EPB41L5: variants seen among roughly 807,000 people sequenced by gnomAD.
EPB41L5 encodes band 4.1-like protein 5.
In EPB41L5, 55 loss-of-function variants were observed where a neutral mutation model predicts 106.6. The observed-to-expected ratio is 0.52, with a 90% CI of 0.42 to 0.65. EPB41L5 has a LOEUF of 0.65. Among genes scored for constraint, EPB41L5 ranks in the 30% least tolerant of loss-of-function variants. The pLI, the probability that EPB41L5 is intolerant of heterozygous loss-of-function variation, is 0.00. For missense variants in EPB41L5, 871 were observed against 882.1 expected (o/e 0.99, Z 0.16); for synonymous variants, 297 against 306.7 (o/e 0.97, Z 0.33).
At chr2:120,087,777 T>C (rs936679982) in intron 11 of EPB41L5, among the ~76,000 whole-genome samples, 2 of 152,110 alleles carry the variant, frequency 1.3e-5, no homozygotes, top group South Asian at 2.1e-4. Flanking sequence ...GAGTAAACCA[T>C]TGTGGCAGAC....
At chr2:120,079,183 T>A (rs1182166503) in intron 10 of EPB41L5, among the ~76,000 whole-genome samples, 4 of 152,134 alleles carry the variant, frequency 2.6e-5, no homozygotes, top group Non-Finnish European at 5.9e-5. Flanking sequence ...GGTGTTTACT[T>A]TTGTACACTA....
intron 2 of EPB41L5, among the ~76,000 whole-genome samples, chr2:120,036,807 C>T (rs1679068256): frequency 6.6e-6 from 1 of 151,936 alleles, no homozygotes; most frequent in Non-Finnish European, 1.5e-5. Flanking sequence ...GTTGGAAGAT[C>T]ATATTTAGAA....
chr2:120,043,122 A>AT (rs1299827149), intron 3 of EPB41L5, among the ~76,000 whole-genome samples: 3 of 150,176 alleles, frequency 2.0e-5, no homozygotes, highest in African/African-American at 4.9e-5. Context: ...TTTAGCTGTC[A>AT]TTTTTTCATG....
intron 19 of EPB41L5, 51 bp from the exon 20 acceptor site, chr2:120,146,173 AC>A: frequency 9.1e-7 from 1 of 1,096,198 alleles, no homozygotes; most frequent in East Asian, 2.6e-5. Context: ...ATTTCTTGTT[AC>A]TTTAGTATCC....
In EPB41L5 at chr2:120,143,110, T is replaced by A. The variant is rs61730480; in HGVS notation, c.1707T>A (p.Ala569=). 1.2e-6 allele frequency: 2 copies of A among 1,605,250 alleles called. No individual in the cohort carries two copies. The highest frequency in any genetic ancestry group is 1.7e-6 in the Non-Finnish European group (2 of 1,176,804). The part of the protein sequence containing the change: ...PPDFKSNILK[A]QVEAVHKVTK... ...ACTTCAAGAGTAACATTTTGAAGGC[T>A]CAAGTAGAAGCAGTGCATAAGGTAA... Residue 569 remains alanine (A), a synonymous_variant, in exon 19 of 25, where the codon GCT becomes GCA. Coordinates refer to ENST00000263713, the MANE Select transcript of EPB41L5 (RefSeq NM_020909.4).
intron 20 of EPB41L5, among the ~76,000 whole-genome samples, chr2:120,154,751 C>T (rs1686830334): frequency 6.6e-6 from 1 of 151,874 alleles, no homozygotes; most frequent in Admixed American, 6.6e-5. Flanking sequence ...ATGGTGAAAC[C>T]CCGTCTCTGC....
At chr2:120,111,117 C>G (rs1558883964) in intron 16 of EPB41L5, among the ~76,000 whole-genome samples, 2 of 152,074 alleles carry the variant, frequency 1.3e-5, no homozygotes, top group Non-Finnish European at 2.9e-5. Context: ...GACCCGAGAT[C>G]CCATGTTACA....
chr2:120,026,920 A>C (rs1281522334), intron 2 of EPB41L5, among the ~76,000 whole-genome samples: 1 of 152,242 alleles, frequency 6.6e-6, no homozygotes, highest in Admixed American at 6.5e-5. Context: ...CATTTCTCCA[A>C]ATAGGTTATA....
At chr2:120,153,900 G>GTGTTAT (rs1686786165) in intron 20 of EPB41L5, among the ~76,000 whole-genome samples, 4 of 152,232 alleles carry the variant, frequency 2.6e-5, no homozygotes, top group South Asian at 2.1e-4. Context: ...TCATAGTGAG[G>GTGTTAT]CTTGTAGATA....
intron 3 of EPB41L5, among the ~76,000 whole-genome samples, chr2:120,071,195 C>T (rs1343567581): frequency 1.3e-5 from 2 of 152,094 alleles, no homozygotes; most frequent in Non-Finnish European, 2.9e-5. Flanking sequence ...ACACCAATAA[C>T]AGAGAGCCAA....
chr2:120,153,057 GTTCT>G (rs1686747146), intron 20 of EPB41L5, among the ~76,000 whole-genome samples: 2 of 152,000 alleles, frequency 1.3e-5, no homozygotes, highest in Admixed American at 6.5e-5. Context: ...TTTTTCTTAA[GTTCT>G]TTGTTTTTCT....
At chr2:120,117,730 A>G (rs1685015528) in intron 16 of EPB41L5, among the ~76,000 whole-genome samples, 1 of 152,198 alleles carries the variant, frequency 6.6e-6, no homozygotes, top group East Asian at 1.9e-4. Flanking sequence ...CAACACCATA[A>G]TCAAGATTCA....
chr2:120,097,870 A>G lies in EPB41L5; in HGVS notation c.1179-2374A>G, dbSNP rs150083310. ...GTATTTCATACAATTTAAAACAGGA[A>G]GCTATGGTTCAATTAACATCACTTA... On this transcript the variant is annotated intron_variant, in intron 14 of 24. Transcript: ENST00000263713. 1.9e-3 allele frequency among the ~76,000 whole-genome samples: 297 copies of G among 152,338 alleles called. 2 individuals are homozygous for G. The highest frequency in any genetic ancestry group is 6.4e-3 in the African/African-American group (267 of 41,584).
Position 120,167,958 on chromosome 2 carries a change from A to ATCTC in EPB41L5, c.2087_2090dup (p.Ile699ThrfsTer35). On this transcript the variant is annotated frameshift_variant, in exon 24 of 25. Transcript: ENST00000263713. LOFTEE classifies it high-confidence loss of function. ...GGAGGGACATGGTAATAAAGATGGA[A>ATCTC]TCTCACTGATCTCTCCCCCAGCGCC... is the stretch of plus-strand genomic sequence containing the variant. 1 of 1,614,132 alleles carries ATCTC rather than the reference A, an allele frequency of 6.2e-7. No homozygotes were observed. Among genetic ancestry groups the ATCTC allele is most frequent in the Non-Finnish European group, 8.5e-7 (1 of 1,180,014 alleles).
At chr2:120,141,201 T>TA (rs1686159193) in intron 18 of EPB41L5, among the ~76,000 whole-genome samples, 1 of 152,104 alleles carries the variant, frequency 6.6e-6, no homozygotes, top group Admixed American at 6.6e-5. Context: ...ATAAAATAAA[T>TA]ACTGTGTGGA....
At chr2:120,090,995 C>T (rs1267821703) in intron 12 of EPB41L5, among the ~76,000 whole-genome samples, 4 of 152,028 alleles carry the variant, frequency 2.6e-5, no homozygotes, top group Non-Finnish European at 5.9e-5. Flanking sequence ...TTTCTGCATG[C>T]CATGGAAATC....
chr2:120,163,980 C>CTTTTTTCTTTTTTT (rs1687269531), intron 21 of EPB41L5, among the ~76,000 whole-genome samples: 1 of 68,140 alleles, frequency 1.5e-5, no homozygotes, highest in Non-Finnish European at 2.7e-5. Context: ...TTTGTATTTA[C>CTTTTTTCTTTTTTT]TTTTTTTTTT....
chr2:120,159,646 C>G (rs1687060920), intron 20 of EPB41L5, among the ~76,000 whole-genome samples: 1 of 152,158 alleles, frequency 6.6e-6, no homozygotes, highest in Non-Finnish European at 1.5e-5. Context: ...TATCTGACTT[C>G]AAACTGTACT....
chr2:120,048,988 A>G (rs1680023632), intron 3 of EPB41L5, among the ~76,000 whole-genome samples: 1 of 152,122 alleles, frequency 6.6e-6, no homozygotes, highest in Non-Finnish European at 1.5e-5. Context: ...GAGTTTCTTA[A>G]TCCTGAGTTC....
Sources: gnomAD v4.1 joint callset for allele counts (sites outside exome capture counted in the v4.1 genomes callset) on GRCh38, gnomAD v4.1.1 for gene constraint, MANE v1.5 for transcripts, NCBI Gene and HGNC (gene_info 2026-07-23, HGNC 2026-07-21) for gene names.